The following RBFOX1 variants were observed in gnomAD, a reference collection of about 807,000 sequenced individuals.
RBFOX1 encodes the protein RNA binding protein fox-1 homolog 1.
RBFOX1 carries 8 observed loss-of-function variants against 57.7 expected under a neutral mutation model. The observed-to-expected ratio is 0.14, with a 90% CI of 0.08 to 0.25. The LOEUF is 0.25. Ranked by LOEUF, RBFOX1 falls within the 10% of genes least tolerant of loss-of-function variation. The probability of loss-of-function intolerance (pLI) is 1.00; values close to 1 mark genes in which losing one functional copy is unlikely to be tolerated. For synonymous variants in RBFOX1, 326 were observed against 222.4 expected, an observed-to-expected ratio of 1.47 and a Z score of -4.15; for missense variants, 611 against 548.5, an observed-to-expected ratio of 1.11 and a Z score of -1.14.
intron 3 of RBFOX1, among the ~76,000 whole-genome samples, chr16:5,758,255 A>G (rs1368727409): frequency 1.3e-5 from 2 of 152,164 alleles, no homozygotes; most frequent in East Asian, 1.9e-4. Context: ...ATGGGGGGAA[A>G]AAGTTGAAGG....
chr16:5,419,084 C>T (rs2067240566), intron 1 of RBFOX1, among the ~76,000 whole-genome samples: 1 of 152,172 alleles, frequency 6.6e-6, no homozygotes, highest in African/African-American at 2.4e-5. Context: ...TACCTGAGCC[C>T]AGTGGGTTCT....
intron 3 of RBFOX1, among the ~76,000 whole-genome samples, chr16:6,941,722 G>A (rs1366390541): frequency 6.6e-6 from 1 of 152,188 alleles, no homozygotes; most frequent in South Asian, 2.1e-4. Context: ...GAGAGAGATT[G>A]GATTTGGCTT....
At chr16:7,691,130 G>C (rs918555383) in intron 14 of RBFOX1, among the ~76,000 whole-genome samples, 2 of 152,032 alleles carry the variant, frequency 1.3e-5, no homozygotes, top group African/African-American at 4.8e-5. Flanking sequence ...AAATAAAATA[G>C]TACAGAATGG....
At chr16:7,445,985 G>T (rs117018318) in intron 4 of RBFOX1, among the ~76,000 whole-genome samples, 4 of 152,072 alleles carry the variant, frequency 2.6e-5, no homozygotes, top group Non-Finnish European at 5.9e-5. Context: ...TCAAGAGTCG[G>T]GGATCTTCTC....
intron 1 of RBFOX1, among the ~76,000 whole-genome samples, chr16:6,197,556 C>G (rs1037507443): frequency 7.4e-6 from 1 of 134,572 alleles, no homozygotes; most frequent in Non-Finnish European, 1.7e-5. Context: ...CCTGGTGCTT[C>G]TGTTTCCCGC....
At chr16:6,503,503 G>A (rs557141452) in intron 2 of RBFOX1, among the ~76,000 whole-genome samples, 1 of 152,286 alleles carries the variant, frequency 6.6e-6, no homozygotes, top group Non-Finnish European at 1.5e-5. Context: ...TTTCATCTGG[G>A]TTTACTCACA....
intron 1 of RBFOX1, among the ~76,000 whole-genome samples, chr16:6,041,499 C>G (rs2095435841): frequency 6.6e-6 from 1 of 152,160 alleles, no homozygotes; most frequent in Admixed American, 6.5e-5. Flanking sequence ...AACCCTTACA[C>G]TAATGCCATG....
chr16:7,436,313 A>G (rs905317860), intron 4 of RBFOX1, among the ~76,000 whole-genome samples: 9 of 152,112 alleles, frequency 5.9e-5, no homozygotes, highest in African/African-American at 2.2e-4. Flanking sequence ...ATCCTCTTTC[A>G]TTGTATGCCA....
chr16:6,911,545 A>G (rs1011481902), intron 3 of RBFOX1, among the ~76,000 whole-genome samples: 6 of 152,130 alleles, frequency 3.9e-5, no homozygotes, highest in African/African-American at 7.2e-5. Flanking sequence ...TTATGATGAC[A>G]TCAGTCATAT....
In RBFOX1 at chr16:6,445,211, G is replaced by A. The variant is rs2094460297; in HGVS notation, c.-64+128154G>A. Among the ~76,000 whole-genome samples the A allele has an allele frequency of 2.0e-5, 3 of 152,014 alleles. No individual in the cohort carries two copies. In the South Asian group the frequency reaches 6.3e-4, roughly 32 times the overall value. On this transcript the variant is annotated intron_variant, in intron 2 of 15. Transcript: ENST00000550418. Reference sequence around the variant, plus strand: ...ACAGACTGCAGAAATAATAAGTTTAGCCTGAGATTTTCTTCCTTTTTTTTA... The same window carrying A: ...ACAGACTGCAGAAATAATAAGTTTAACCTGAGATTTTCTTCCTTTTTTTTA...
chr16:5,955,143 A>G (rs1232364175), intron 4 of RBFOX1, among the ~76,000 whole-genome samples: 1 of 126,692 alleles, frequency 7.9e-6, no homozygotes, highest in Non-Finnish European at 1.6e-5. Flanking sequence ...AAAAAAAAAA[A>G]AAGCCAGGCG....
chr16:6,319,043 A>T lies in RBFOX1; in HGVS notation c.-64+1986A>T, dbSNP rs1160600833. Among the ~76,000 whole-genome samples, 8 of 152,162 alleles carry T rather than the reference A, an allele frequency of 5.3e-5. No homozygotes were observed. In the East Asian group the frequency reaches 1.6e-3, roughly 30 times the overall value. ...TTATCAGGAAGGCAGATGATTTGAC[A>T]TCTAAGCTGGCCACATGCCTGGGTT... On this transcript the variant is annotated intron_variant, in intron 2 of 15. Coordinates refer to ENST00000550418, the MANE Select transcript of RBFOX1 (RefSeq NM_018723.4).
chr16:6,549,879 A>C (rs1034868188), intron 2 of RBFOX1, among the ~76,000 whole-genome samples: 6 of 152,156 alleles, frequency 3.9e-5, no homozygotes, highest in Admixed American at 6.5e-5. Flanking sequence ...AGACCTTCTC[A>C]TGGACCCTTA....
chr16:6,906,453 C>G (rs540903320), intron 3 of RBFOX1, among the ~76,000 whole-genome samples: 1 of 152,104 alleles, frequency 6.6e-6, no homozygotes, highest in African/African-American at 2.4e-5. Context: ...GGAAATGCGA[C>G]TTTATTTTGA....
chr16:7,236,302 G>T (rs879601082), intron 4 of RBFOX1, among the ~76,000 whole-genome samples: 2 of 152,232 alleles, frequency 1.3e-5, no homozygotes, highest in African/African-American at 2.4e-5. Context: ...ACACCATATT[G>T]TTTCAGCTCA....
intron 2 of RBFOX1, among the ~76,000 whole-genome samples, chr16:6,563,317 G>A (rs1198666395): frequency 1.3e-5 from 2 of 152,122 alleles, no homozygotes; most frequent in African/African-American, 4.8e-5. Flanking sequence ...CTTACAATGG[G>A]CCAGGCACTA....
chr16:7,302,975 T>C (rs1297843794), intron 4 of RBFOX1, among the ~76,000 whole-genome samples: 2 of 152,208 alleles, frequency 1.3e-5, no homozygotes, highest in African/African-American at 4.8e-5. Flanking sequence ...TAAACCATTG[T>C]AATTTGCTCC....
intron 5 of RBFOX1, among the ~76,000 whole-genome samples, chr16:7,528,654 G>C (rs895133317): frequency 6.6e-6 from 1 of 152,112 alleles, no homozygotes; most frequent in African/African-American, 2.4e-5. Flanking sequence ...TGGGACTACA[G>C]GTGTTTTCCA....
intron 4 of RBFOX1, among the ~76,000 whole-genome samples, chr16:7,306,694 C>G (rs755022636): frequency 6.6e-6 from 1 of 152,108 alleles, no homozygotes; most frequent in Non-Finnish European, 1.5e-5. Context: ...TTTTCTAGCC[C>G]TTCCTGGAAG....
Sources: allele counts gnomAD v4.1 joint callset (sites outside exome capture counted in the v4.1 genomes callset), GRCh38; gene constraint gnomAD v4.1.1; transcripts MANE v1.5; gene names NCBI Gene and HGNC (gene_info 2026-07-23, HGNC 2026-07-21).